Variants in GRID1 observed in about 807,000 individuals in gnomAD.
GRID1 encodes glutamate receptor ionotropic, delta-1.
Under a neutral mutation model 98.0 loss-of-function variants are expected in GRID1, and 28 were observed. The observed-to-expected ratio is 0.29, with a 90% confidence interval of 0.21 to 0.39. GRID1 has a LOEUF of 0.39. Ranked by LOEUF, GRID1 falls within the 10% of genes least tolerant of loss-of-function variation. GRID1 has a pLI of 1.00. For missense variants in GRID1, 1,111 were observed against 1,340.5 expected (o/e 0.83, Z 2.67); for synonymous variants, 553 against 538.5 (o/e 1.03, Z -0.37).
In GRID1 at chr10:85,683,028, C is replaced by T. The variant is rs114290407; in HGVS notation, c.1998-35631G>A. On this transcript the variant is annotated intron_variant, in intron 12 of 15. Transcript: ENST00000327946. The stretch of plus-strand genomic sequence containing the variant: ...TGTTGTTTTTGTTTTTCAATCAGTA[C>T]TTAAGTGATACCCAATTCCCATGGT... Among the ~76,000 whole-genome samples, 1,272 of 152,280 alleles carry T rather than the reference C, an allele frequency of 8.4e-3. 18 individuals carry two copies. Among genetic ancestry groups the T allele is most frequent in the African/African-American group, 0.029 (1,214 of 41,556 alleles).
At chr10:86,261,788 C>T (rs1409683245) in intron 2 of GRID1, among the ~76,000 whole-genome samples, 1 of 152,164 alleles carries the variant, frequency 6.6e-6, no homozygotes, top group Non-Finnish European at 1.5e-5. Context: ...CATACACATC[C>T]GGGCAGCCAC....
chr10:86,058,769 G>A (rs530414980), intron 4 of GRID1, among the ~76,000 whole-genome samples: 1 of 152,336 alleles, frequency 6.6e-6, no homozygotes, highest in South Asian at 2.1e-4. Context: ...ATTTTCTTGA[G>A]CACCCGCTGT....
intron 3 of GRID1, among the ~76,000 whole-genome samples, chr10:86,187,580 C>T (rs117268883): frequency 2.1e-3 from 323 of 152,306 alleles, no homozygotes; most frequent in Non-Finnish European, 4.0e-3. Flanking sequence ...CAGGAGCAGC[C>T]AGAGGCTGGG....
chr10:85,960,637 T>C (rs1842253775), intron 4 of GRID1, among the ~76,000 whole-genome samples: 1 of 152,200 alleles, frequency 6.6e-6, no homozygotes, highest in Non-Finnish European at 1.5e-5. Flanking sequence ...TACTGACCTG[T>C]ATGTCTCTCC....
intron 4 of GRID1, among the ~76,000 whole-genome samples, chr10:86,055,764 G>A (rs1843564019): frequency 6.6e-6 from 1 of 151,806 alleles, no homozygotes; most frequent in African/African-American, 2.4e-5. Context: ...GAAGAAGAAG[G>A]AGAAGGAGAA....
chr10:86,257,699 T>C (rs767136535), intron 2 of GRID1, among the ~76,000 whole-genome samples: 4 of 151,918 alleles, frequency 2.6e-5, no homozygotes, highest in Non-Finnish European at 2.9e-5. Context: ...GGGGAAGAAT[T>C]AGAAGGGAAT....
intron 4 of GRID1, among the ~76,000 whole-genome samples, chr10:86,118,225 C>G (rs1844614111): frequency 6.6e-6 from 1 of 152,028 alleles, no homozygotes; most frequent in African/African-American, 2.4e-5. Flanking sequence ...AGTAAAGTAA[C>G]TTAGGAATGA....
At chr10:85,735,537 T>A (rs1480207053) in intron 8 of GRID1, among the ~76,000 whole-genome samples, 1 of 152,132 alleles carries the variant, frequency 6.6e-6, no homozygotes, top group Non-Finnish European at 1.5e-5. Context: ...AGTTGTAAGA[T>A]GTGGGCATTT....
chr10:85,762,699 C>G (rs2082685483), intron 8 of GRID1, among the ~76,000 whole-genome samples: 1 of 152,118 alleles, frequency 6.6e-6, no homozygotes, highest in Admixed American at 6.6e-5. Context: ...CATGAGAAAC[C>G]AGGAAGAGAG....
At chr10:85,729,964 A>ATTTAATTTAATTCT (rs1841805117) in intron 8 of GRID1, among the ~76,000 whole-genome samples, 2 of 152,188 alleles carry the variant, frequency 1.3e-5, no homozygotes, top group Non-Finnish European at 2.9e-5. Flanking sequence ...TCTTTCTTTA[A>ATTTAATTTAATTCT]TTACTCCTTT....
chr10:85,999,095 C>A (rs1183760425), intron 4 of GRID1, among the ~76,000 whole-genome samples: 1 of 151,960 alleles, frequency 6.6e-6, no homozygotes, highest in Non-Finnish European at 1.5e-5. Context: ...CGTCTATAAC[C>A]CAGCTACTTG....
intron 4 of GRID1, among the ~76,000 whole-genome samples, chr10:85,984,832 C>G (rs2041415589): frequency 6.6e-6 from 1 of 152,008 alleles, no homozygotes; most frequent in South Asian, 2.1e-4. Context: ...ACTGGAGCAC[C>G]TGGTAGGAGC....
chr10:85,789,249 C>T (rs1842456783), intron 8 of GRID1, among the ~76,000 whole-genome samples: 1 of 152,144 alleles, frequency 6.6e-6, no homozygotes, highest in African/African-American at 2.4e-5. Context: ...AACCACAGAG[C>T]TGGCTCTGGA....
intron 2 of GRID1, among the ~76,000 whole-genome samples, chr10:86,294,752 A>G (rs1480738289): frequency 6.6e-6 from 1 of 152,228 alleles, no homozygotes; most frequent in Non-Finnish European, 1.5e-5. Context: ...AAAGTCCTCC[A>G]TGGGTAGGTG....
At chr10:86,257,760 A>G (rs1902663) in intron 2 of GRID1, among the ~76,000 whole-genome samples, 123,886 of 151,622 alleles carry the variant, frequency 0.82, 51,532 homozygotes, top group Non-Finnish European at 0.88. Context: ...ATGGCTGAGA[A>G]ACACAGAGAG....
intron 4 of GRID1, among the ~76,000 whole-genome samples, chr10:85,964,410 C>T (rs945281216): frequency 6.6e-6 from 1 of 152,120 alleles, no homozygotes; most frequent in African/African-American, 2.4e-5. Flanking sequence ...GCTACAGTAA[C>T]CAAAACAGCA....
intron 2 of GRID1, among the ~76,000 whole-genome samples, chr10:86,246,832 T>C (rs1463118540): frequency 2.0e-5 from 3 of 152,270 alleles, no homozygotes; most frequent in African/African-American, 4.8e-5. Flanking sequence ...TGCTGGCTCC[T>C]ACATGCCCCT....
chr10:85,793,869 C>A (rs972604747), intron 8 of GRID1, among the ~76,000 whole-genome samples: 1 of 151,952 alleles, frequency 6.6e-6, no homozygotes, highest in East Asian at 1.9e-4. Flanking sequence ...CTGGGTCCTA[C>A]CAGGAATGAC....
rs1917151 is a variant in GRID1, at chr10:85,755,388, C to T, written c.1234-25774G>A. ...TTGGCCTTTCTCTCCACGTGGTTTCCGTCCTTGGTTCTTCAGCGCCTGCCC... is the reference window on the plus strand; with the variant it reads ...TTGGCCTTTCTCTCCACGTGGTTTCTGTCCTTGGTTCTTCAGCGCCTGCCC... On this transcript the variant is annotated intron_variant, in intron 8 of 15. Coordinates refer to ENST00000327946, the MANE Select transcript of GRID1 (RefSeq NM_017551.3). 2.7e-3 allele frequency among the ~76,000 whole-genome samples: 404 copies of T among 152,298 alleles called. 6 individuals are homozygous for T. The highest frequency in any genetic ancestry group is 0.023 in the Admixed American group (346 of 15,294).
Sources: gnomAD v4.1 joint callset for allele counts (sites outside exome capture counted in the v4.1 genomes callset) on GRCh38, gnomAD v4.1.1 for gene constraint, MANE v1.5 for transcripts, NCBI Gene and HGNC (gene_info 2026-07-23, HGNC 2026-07-21) for gene names.